Variants in MYLK4 observed in about 807,000 individuals in gnomAD.
MYLK4 encodes caMLCK like.
A neutral mutation model predicts 48.1 loss-of-function variants in MYLK4; 46 were observed. The observed-to-expected ratio is 0.96, with a 90% CI of 0.75 to 1.22. The LOEUF (loss-of-function observed/expected upper bound fraction) is 1.22. Ranked by LOEUF, MYLK4 falls within the 50% of genes most tolerant of loss-of-function variation. The probability of loss-of-function intolerance (pLI) is 0.00; values close to 1 mark genes in which losing one functional copy is unlikely to be tolerated. For missense variants in MYLK4, 451 were observed against 486.1 expected, an observed-to-expected ratio of 0.93 and a Z score of 0.68; for synonymous variants, 170 against 180.8, an observed-to-expected ratio of 0.94 and a Z score of 0.48.
chr6:2,671,077 G>A (rs764516367), intron 12 of MYLK4, among the ~76,000 whole-genome samples, 199 bp downstream of exon 12: 5 of 152,088 alleles, frequency 3.3e-5, no homozygotes, highest in African/African-American at 7.2e-5. Context: ...TCCCCAACCC[G>A]TAAGTCAGGC....
chr6:2,753,796 G>A (rs961783965), upstream of MYLK4, among the ~76,000 whole-genome samples: 3 of 151,980 alleles, frequency 2.0e-5, no homozygotes, highest in African/African-American at 4.8e-5. Context: ...CAGTCATCAG[G>A]GAGATGCAAA....
intron 2 of MYLK4, among the ~76,000 whole-genome samples, chr6:2,704,518 A>G (rs1762416912): frequency 6.6e-6 from 1 of 152,256 alleles, no homozygotes. Flanking sequence ...AAATCAGAAC[A>G]TGTACTATAA....
At chr6:2,762,077 A>G in the MYLK4 span, among the ~76,000 whole-genome samples, 1 of 151,986 alleles carries the variant, frequency 6.6e-6, no homozygotes, top group Non-Finnish European at 1.5e-5. Context: ...ACACCCAGCT[A>G]ATGTTTGTAT....
At chr6:2,757,215 T>A in the MYLK4 span, among the ~76,000 whole-genome samples, 1 of 151,964 alleles carries the variant, frequency 6.6e-6, no homozygotes, top group Non-Finnish European at 1.5e-5. Flanking sequence ...TAATGACTCA[T>A]AATAGGTCGC....
chr6:2,766,096 CGAGGCGGAGGCGCAG>C, the MYLK4 span: 2 of 1,314,978 alleles, frequency 1.5e-6, no homozygotes, highest in Non-Finnish European at 1.9e-6. Context: ...GCAGCTGGGA[CGAGGCGGAGGCGCAG>C]GAGGAGGAGG....
intron 2 of MYLK4, among the ~76,000 whole-genome samples, chr6:2,738,657 T>C (rs1424049355): frequency 1.3e-5 from 2 of 152,342 alleles, no homozygotes; most frequent in Middle Eastern, 3.4e-3. Flanking sequence ...TTCATCTATC[T>C]AGGCTGGCTG....
intron 2 of MYLK4, among the ~76,000 whole-genome samples, chr6:2,737,908 T>A (rs1763738714): frequency 6.8e-6 from 1 of 146,498 alleles, no homozygotes; most frequent in Non-Finnish European, 1.5e-5. Flanking sequence ...GCTTTTTTTT[T>A]TTTCTCTAAG....
chr6:2,674,302 G>A (rs1418008236), intron 11 of MYLK4, among the ~76,000 whole-genome samples: 1 of 152,180 alleles, frequency 6.6e-6, no homozygotes, highest in Non-Finnish European at 1.5e-5. Context: ...CTGAGTATTA[G>A]AGTTAAGATT....
the MYLK4 span, among the ~76,000 whole-genome samples, chr6:2,763,014 G>A: frequency 5.3e-5 from 8 of 152,162 alleles, no homozygotes; most frequent in Non-Finnish European, 8.8e-5. Context: ...AAGCCAAGCG[G>A]GTCTCCATCG....
intron 12 of MYLK4, among the ~76,000 whole-genome samples, chr6:2,669,060 C>A (rs1760776306): frequency 1.3e-5 from 2 of 149,120 alleles, no homozygotes; most frequent in South Asian, 4.4e-4. Context: ...ACAGCAAGAC[C>A]CTGTCTCTAA....
At chr6:2,671,691 C>G (rs78174213) in intron 11 of MYLK4, among the ~76,000 whole-genome samples, 1 of 152,182 alleles carries the variant, frequency 6.6e-6, no homozygotes, top group African/African-American at 2.4e-5. Flanking sequence ...ACTGGGGCTA[C>G]GATGACTGCA....
intron 2 of MYLK4, among the ~76,000 whole-genome samples, chr6:2,711,447 A>C (rs1762670188): frequency 6.6e-6 from 1 of 152,214 alleles, no homozygotes; most frequent in African/African-American, 2.4e-5. Flanking sequence ...CCATGTTCTA[A>C]ATATTCTTAG....
chr6:2,762,030 G>C, the MYLK4 span, among the ~76,000 whole-genome samples: 2 of 152,168 alleles, frequency 1.3e-5, no homozygotes, highest in South Asian at 4.2e-4. Flanking sequence ...TCCTGCCTCA[G>C]CCTTGCAAGT....
At chr6:2,765,063 C>T in the MYLK4 span, among the ~76,000 whole-genome samples, 3 of 152,122 alleles carry the variant, frequency 2.0e-5, no homozygotes, top group Non-Finnish European at 2.9e-5. Context: ...GCGCTCGCCG[C>T]TCCAACAACC....
At chr6:2,768,486 A>G in the MYLK4 span, among the ~76,000 whole-genome samples, 8 of 152,196 alleles carry the variant, frequency 5.3e-5, no homozygotes, top group African/African-American at 1.9e-4. Flanking sequence ...AGGTTTAGCT[A>G]CTTTCCTGTT....
intron 9 of MYLK4, 42 bp from the exon 10 acceptor site, chr6:2,678,414 C>T (rs1761167877): frequency 3.7e-6 from 6 of 1,602,094 alleles, no homozygotes; most frequent in Admixed American, 1.7e-5. Context: ...TTTAAACAGC[C>T]TCAACCCCTT....
At chr6:2,765,188 C>T in the MYLK4 span, among the ~76,000 whole-genome samples, 5 of 104,120 alleles carry the variant, frequency 4.8e-5, no homozygotes, top group East Asian at 1.2e-3. Flanking sequence ...CGCAACCCCC[C>T]CCCCCGCCCC....
chr6:2,684,239 G>A (rs768898879), intron 6 of MYLK4, among the ~76,000 whole-genome samples: 2 of 152,152 alleles, frequency 1.3e-5, no homozygotes, highest in African/African-American at 2.4e-5. Context: ...GTGACTAACC[G>A]CAGGGAGTGG....
In MYLK4 at chr6:2,749,251, T is replaced by A; in HGVS notation, c.44A>T (p.Asn15Ile). 1 of 1,614,086 alleles carries A rather than the reference T, an allele frequency of 6.2e-7. No individual in the cohort carries two copies. Among genetic ancestry groups the A allele is most frequent in the Non-Finnish European group, 8.5e-7 (1 of 1,179,952 alleles). ...GGCCATTTTCTCCAGCTGGTTGCTG[T>A]TATAACACGTGTTGAATTCTTCCAG... Reference protein sequence around the residue: ...KRLEEFNTCYNSNQLEKMAFF... With the variant: ...KRLEEFNTCYISNQLEKMAFF... Residue 15 changes from asparagine to isoleucine, a missense_variant, in exon 2 of 13, where the codon AAC (asparagine) becomes ATC (isoleucine). Physicochemically the swap from Asn to Ile is moderately radical, Grantham distance 149. Coordinates refer to ENST00000274643, the MANE Select transcript of MYLK4 (RefSeq NM_001012418.5).
Sources: allele counts gnomAD v4.1 joint callset (sites outside exome capture counted in the v4.1 genomes callset), GRCh38; gene constraint gnomAD v4.1.1; transcripts MANE v1.5; gene names NCBI Gene and HGNC (gene_info 2026-07-23, HGNC 2026-07-21).